The following DISP1 variants were observed in gnomAD, a reference collection of about 807,000 sequenced individuals.
The protein encoded by DISP1 is dispatched RND transporter family member 1, also known as protein dispatched homolog 1.
In DISP1, 30 loss-of-function variants were observed where a neutral mutation model predicts 37.3. The observed-to-expected ratio is 0.80, with a 90% CI of 0.60 to 1.09. The LOEUF is 1.09. Ranked by LOEUF, DISP1 falls within the 50% of genes least tolerant of loss-of-function variation. DISP1 has a pLI of 0.00. For synonymous variants in DISP1, 634 were observed against 690.2 expected (o/e 0.92, Z 1.28); for missense variants, 1,598 against 1,879.5 (o/e 0.85, Z 2.77).
chr1:222,833,107 TATTGCTGCTG>T (rs1666160166), intron 1 of DISP1, among the ~76,000 whole-genome samples: 1 of 152,072 alleles, frequency 6.6e-6, no homozygotes, highest in Non-Finnish European at 1.5e-5. Flanking sequence ...GTTTATTTGT[TATTGCTGCTG>T]ATGTTTAAAT....
intron 3 of DISP1, among the ~76,000 whole-genome samples, chr1:222,950,862 GT>G (rs1220724962): frequency 6.6e-6 from 1 of 152,300 alleles, no homozygotes; most frequent in African/African-American, 2.4e-5. Context: ...TTAATAAGGA[GT>G]TCTGCATCCA....
rs751621041 is a variant in DISP1, at chr1:222,943,183, C to T, written c.360C>T (p.His120=). The T allele has an allele frequency of 5.0e-6, 8 of 1,610,634 alleles. No individual in the cohort carries two copies. In the South Asian group the frequency reaches 5.5e-5, roughly 11 times the overall value. Residue 120 remains histidine, a synonymous_variant, in exon 3 of 9, where the codon CAC becomes CAT. Transcript: ENST00000675850. ...SALASCCMQP[H]SEYSASLCPN... ...TGGCCTCGTGTTGCATGCAGCCACA[C>T]TCCGAGTATTCTGCATCTCTTTGTC...
At chr1:222,993,200 T>C (rs570501198) in intron 7 of DISP1, among the ~76,000 whole-genome samples, 1 of 152,236 alleles carries the variant, frequency 6.6e-6, no homozygotes, top group Admixed American at 6.5e-5. Flanking sequence ...CCATTAATTC[T>C]CTAAATGTTG....
chr1:222,815,147 C>A (rs1660839351), intron 1 of DISP1, 69 bp downstream of exon 1: 1 of 152,288 alleles, frequency 6.6e-6, no homozygotes, highest in Non-Finnish European at 1.5e-5. Flanking sequence ...CGCCGCCGCC[C>A]GGCGCCGCGG....
rs114283433 is a variant in DISP1 at position 222,877,454 on chromosome 1, A to G, written c.-158-50976A>G. Among the ~76,000 whole-genome samples the G allele has an allele frequency of 2.2e-3, 341 of 152,266 alleles. 1 individual carries two copies. Among genetic ancestry groups the G allele is most frequent in the African/African-American group, 8.1e-3 (337 of 41,554 alleles). On this transcript the variant is annotated intron_variant, in intron 1 of 8. Transcript: ENST00000675850. ...ACTATCACAAGAACAGTATGGAGGA[A>G]AATACCCCCATGATTCTATTATCTC...
intron 1 of DISP1, among the ~76,000 whole-genome samples, chr1:222,857,054 T>C (rs746763392): frequency 1.2e-4 from 18 of 152,156 alleles, no homozygotes; most frequent in Non-Finnish European, 1.9e-4. Flanking sequence ...CAAAATATTA[T>C]CACCAATTAT....
At chr1:222,914,041 C>G (rs892264240) in intron 1 of DISP1, among the ~76,000 whole-genome samples, 1 of 132,686 alleles carries the variant, frequency 7.5e-6, no homozygotes, top group African/African-American at 2.9e-5. Flanking sequence ...CATAGGTTTT[C>G]TCTAATGCTA....
intron 1 of DISP1, among the ~76,000 whole-genome samples, chr1:222,858,715 C>G (rs1470459412): frequency 2.1e-5 from 1 of 47,142 alleles, no homozygotes; most frequent in African/African-American, 1.8e-4. Flanking sequence ...ATGCAGCCAA[C>G]AAACTTTTTA....
chr1:222,840,748 G>C, intron 1 of DISP1, among the ~76,000 whole-genome samples: 1 of 151,756 alleles, frequency 6.6e-6, no homozygotes, highest in Non-Finnish European at 1.5e-5. Flanking sequence ...ATTTTTAGTA[G>C]AGATGGGGTT....
rs1371266753 is a variant in DISP1, at chr1:223,002,401, A to C, written c.1004A>C (p.Gln335Pro). Residue 335 changes from glutamine (Q) to proline (P), a missense_variant, in exon 9 of 9, where the codon CAG becomes CCG. Physicochemically the swap from Gln to Pro is moderately conservative, Grantham distance 76 (BLOSUM62 -1). Coordinates refer to ENST00000675850, the MANE Select transcript of DISP1 (RefSeq NM_001377229.1). ...TCTCTGCAGATCAGATCTCATCCCC[A>C]GTTTGGTGATCTCTGCCAGAGGACC... ...VDNSRIRSHP[Q>P]FGDLCQRTTA... 1 of 1,614,002 alleles carries C rather than the reference A, an allele frequency of 6.2e-7. No homozygotes were observed. Among genetic ancestry groups the C allele is most frequent in the Non-Finnish European group, 8.5e-7 (1 of 1,179,994 alleles).
chr1:222,906,087 GCATCAA>G (rs1387070781), intron 1 of DISP1, among the ~76,000 whole-genome samples: 1 of 152,100 alleles, frequency 6.6e-6, no homozygotes, highest in Non-Finnish European at 1.5e-5. Context: ...CTTCTACCGA[GCATCAA>G]CTTTTAATTA....
At chr1:222,818,849 C>T (rs1661965543) in intron 1 of DISP1, among the ~76,000 whole-genome samples, 1 of 152,188 alleles carries the variant, frequency 6.6e-6, no homozygotes, top group Non-Finnish European at 1.5e-5. Context: ...GTGCTATAAC[C>T]TAACCATGTT....
intron 1 of DISP1, among the ~76,000 whole-genome samples, chr1:222,905,866 CAT>C (rs1671861003): frequency 6.6e-6 from 1 of 150,582 alleles, no homozygotes; most frequent in South Asian, 2.1e-4. Flanking sequence ...AAAATATTCT[CAT>C]AGGTCTTTGA....
intron 3 of DISP1, among the ~76,000 whole-genome samples, chr1:222,950,309 A>G (rs963241936): frequency 4.6e-5 from 7 of 152,144 alleles, no homozygotes; most frequent in African/African-American, 1.2e-4. Context: ...TTCTTAAAAC[A>G]TGTAAGAAAG....
chr1:222,994,012 T>C (rs988686867), intron 7 of DISP1, among the ~76,000 whole-genome samples: 3 of 152,238 alleles, frequency 2.0e-5, no homozygotes, highest in Non-Finnish European at 4.4e-5. Flanking sequence ...TTAACTATCA[T>C]AAAATTAATC....
At chr1:222,948,231 A>G (rs570555094) in intron 3 of DISP1, among the ~76,000 whole-genome samples, 14 of 152,320 alleles carry the variant, frequency 9.2e-5, no homozygotes, top group Middle Eastern at 6.8e-3. Context: ...ATACATGACA[A>G]TGCACTGAGG....
At chr1:222,894,091 G>T (rs1671098327) in intron 1 of DISP1, among the ~76,000 whole-genome samples, 1 of 152,138 alleles carries the variant, frequency 6.6e-6, no homozygotes, top group Non-Finnish European at 1.5e-5. Flanking sequence ...TGGGTGGGTG[G>T]TTATGGGTCT....
At chr1:222,878,386 CAAAGTT>C (rs767023334) in intron 1 of DISP1, among the ~76,000 whole-genome samples, 23 of 152,038 alleles carry the variant, frequency 1.5e-4, no homozygotes, top group Non-Finnish European at 3.1e-4. Flanking sequence ...TGGTTATACA[CAAAGTT>C]AAAGCCTAAA....
chr1:222,886,874 GTT>G (rs1273110827), intron 1 of DISP1, among the ~76,000 whole-genome samples: 1 of 152,188 alleles, frequency 6.6e-6, no homozygotes, highest in Non-Finnish European at 1.5e-5. Flanking sequence ...AATTAATCTA[GTT>G]TACCTAGAGG....
Sources: gnomAD v4.1 joint callset for allele counts (sites outside exome capture counted in the v4.1 genomes callset) on GRCh38, gnomAD v4.1.1 for gene constraint, MANE v1.5 for transcripts, NCBI Gene and HGNC (gene_info 2026-07-23, HGNC 2026-07-21) for gene names.